The following FAF2 variants were observed in gnomAD, a reference collection of about 807,000 sequenced individuals.
The protein encoded by FAF2 is FAS-associated factor 2.
Under a neutral mutation model 62.3 loss-of-function variants are expected in FAF2, and 9 were observed. The ratio of observed to expected loss-of-function variants is 0.14; its 90% CI spans 0.09 to 0.25. FAF2 has a LOEUF of 0.25. Ranked by LOEUF, FAF2 falls within the 10% of genes least tolerant of loss-of-function variation. The pLI is 1.00. For missense variants in FAF2, 368 were observed against 556.2 expected (o/e 0.66, Z 3.40); for synonymous variants, 202 against 198.0 (o/e 1.02, Z -0.17).
chr5:176,467,072 G>T lies in FAF2; in HGVS notation c.64-12116G>T, dbSNP rs77938192. On this transcript the variant is annotated intron_variant, in intron 1 of 10. Coordinates refer to ENST00000261942, the MANE Select transcript of FAF2 (RefSeq NM_014613.3). ...GGAGGGAAAGGATCACGGAGCAAGG[G>T]ATTTTTCTCAGTAAGACAGACTGGG... 4.5e-3 allele frequency among the ~76,000 whole-genome samples: 682 copies of T among 151,672 alleles called. 7 individuals carry two copies. Among genetic ancestry groups the T allele is most frequent in the African/African-American group, 0.016 (645 of 41,342 alleles).
At chr5:176,473,575 A>C (rs922090470) in intron 1 of FAF2, among the ~76,000 whole-genome samples, 7 of 146,274 alleles carry the variant, frequency 4.8e-5, no homozygotes, top group Non-Finnish European at 1.1e-4. Flanking sequence ...GGAAGGAATG[A>C]AAAGTTATGT....
chr5:176,488,720 A>G (rs1305228142), intron 3 of FAF2, among the ~76,000 whole-genome samples: 1 of 152,078 alleles, frequency 6.6e-6, no homozygotes, highest in Non-Finnish European at 1.5e-5. Flanking sequence ...ACAGCTCTGG[A>G]CCTTAAAGCA....
At chr5:176,498,625 A>G (rs1755539969) in intron 8 of FAF2, among the ~76,000 whole-genome samples, 1 of 152,230 alleles carries the variant, frequency 6.6e-6, no homozygotes, top group Non-Finnish European at 1.5e-5. Context: ...TCCCTTCATA[A>G]TAACAGTACT....
rs1755695218 is a variant in FAF2, at chr5:176,506,997, G to A, written c.*47G>A. ...TCCTACCCCAGTCCCTAAAAGAAAT[G>A]GGGAAAAAAGAAAACAACAGCAAGT... On this transcript the variant is annotated 3_prime_UTR_variant, in exon 11 of 11. Transcript: ENST00000261942. 4.6e-6 allele frequency: 6 copies of A among 1,312,022 alleles called. No homozygotes were observed. The African/African-American group carries it at 4.6e-5, about 10-fold the overall frequency. The allele number at this position is 1,312,022 out of a possible 1,614,324, so 81.3% of individuals were successfully genotyped here.
chr5:176,479,914 T>C (rs545415794), intron 2 of FAF2, among the ~76,000 whole-genome samples: 5 of 152,092 alleles, frequency 3.3e-5, no homozygotes, highest in Non-Finnish European at 7.4e-5. Context: ...AGGCTGGTCT[T>C]GAACTCCTGA....
intron 10 of FAF2, among the ~76,000 whole-genome samples, 158 bp downstream of exon 10, chr5:176,500,304 A>G (rs1054633355): frequency 2.0e-5 from 3 of 152,222 alleles, no homozygotes; most frequent in Non-Finnish European, 4.4e-5. Flanking sequence ...CGTGGACACC[A>G]GGAAGAGTAC....
chr5:176,472,316 T>G (rs1337803971), intron 1 of FAF2, among the ~76,000 whole-genome samples: 1 of 151,942 alleles, frequency 6.6e-6, no homozygotes, highest in African/African-American at 2.4e-5. Flanking sequence ...CCAGCTAATT[T>G]TTGTATTTTT....
At chr5:176,463,457 C>G (rs1299140505) in intron 1 of FAF2, among the ~76,000 whole-genome samples, 3 of 151,628 alleles carry the variant, frequency 2.0e-5, no homozygotes, top group East Asian at 3.9e-4. Context: ...ACTTCAGAAC[C>G]TTTTAAGCTA....
chr5:176,467,167 T>C (rs975423017), intron 1 of FAF2, among the ~76,000 whole-genome samples: 1 of 132,680 alleles, frequency 7.5e-6, no homozygotes, highest in African/African-American at 2.8e-5. Flanking sequence ...CACTTGTCTG[T>C]CCCAGACCAG....
intron 2 of FAF2, among the ~76,000 whole-genome samples, chr5:176,480,084 TTTTTG>T (rs904551637): frequency 4.9e-4 from 74 of 152,314 alleles, no homozygotes; most frequent in African/African-American, 1.7e-3. Context: ...AGCAGAGATT[TTTTTG>T]TTTTGTTTTA....
intron 1 of FAF2, among the ~76,000 whole-genome samples, chr5:176,457,566 T>C (rs183205245): frequency 6.6e-6 from 1 of 152,294 alleles, no homozygotes; most frequent in African/African-American, 2.4e-5. Flanking sequence ...CTAGTTGTCG[T>C]TTCTCCAACA....
chr5:176,499,939 AG>A, intron 9 of FAF2, 63 bp from the exon 10 acceptor site: 1 of 1,574,784 alleles, frequency 6.4e-7, no homozygotes, highest in Non-Finnish European at 8.6e-7. Flanking sequence ...TGCGTAATAA[AG>A]CTACATGGTC....
intron 9 of FAF2, among the ~76,000 whole-genome samples, chr5:176,499,469 T>G (rs1755555034): frequency 1.3e-5 from 2 of 152,142 alleles, no homozygotes; most frequent in Non-Finnish European, 2.9e-5. Context: ...GATTTGGCAT[T>G]TTACTCATTA....
chr5:176,496,631 C>T lies in FAF2; in HGVS notation c.807C>T (p.Asn269=). The T allele has an allele frequency of 6.9e-6, 11 of 1,605,166 alleles. No homozygotes were observed. Among genetic ancestry groups the T allele is most frequent in the Non-Finnish European group, 9.4e-6 (11 of 1,175,890 alleles). The change falls in exon 8 of 11, where the codon AAC becomes AAT. Residue 269 remains asparagine (N), a synonymous_variant. Transcript: ENST00000261942. The part of the protein sequence containing the change: ...INQLTFIMDA[N]QTYLVSERLE... ...AACTGACATTTATCATGGATGCTAA[C>T]CAGACTTACCTGGTGTCAGAACGCC...
chr5:176,502,441 G>C (rs1755610644), intron 10 of FAF2, among the ~76,000 whole-genome samples: 1 of 152,076 alleles, frequency 6.6e-6, no homozygotes, highest in Non-Finnish European at 1.5e-5. Flanking sequence ...TTAGCTGGGT[G>C]TGGTGGCATG....
intron 8 of FAF2, chr5:176,496,884 G>A (rs1022381196): frequency 9.4e-6 from 3 of 319,514 alleles, no homozygotes; most frequent in African/African-American, 2.1e-5. Flanking sequence ...AGGGCTGGGT[G>A]CAGTGGCTAA....
chr5:176,466,420 A>G (rs2113723430), intron 1 of FAF2, among the ~76,000 whole-genome samples: 1 of 152,368 alleles, frequency 6.6e-6, no homozygotes, highest in Non-Finnish European at 1.5e-5. Flanking sequence ...ATTGGAATTT[A>G]GAGAGTACTT....
chr5:176,475,457 A>ATAATCTC (rs1175968398), intron 1 of FAF2, among the ~76,000 whole-genome samples: 2 of 152,152 alleles, frequency 1.3e-5, no homozygotes, highest in Non-Finnish European at 2.9e-5. Flanking sequence ...TGAGGGATTT[A>ATAATCTC]TAATCTCTAT....
chr5:176,465,805 C>T (rs1478889416), intron 1 of FAF2, among the ~76,000 whole-genome samples: 7 of 152,074 alleles, frequency 4.6e-5, no homozygotes, highest in Admixed American at 1.3e-4. Flanking sequence ...TGCAGTGAAC[C>T]GAGATCGTGC....
Sources: allele counts gnomAD v4.1 joint callset (sites outside exome capture counted in the v4.1 genomes callset), GRCh38; gene constraint gnomAD v4.1.1; transcripts MANE v1.5; gene names NCBI Gene and HGNC (gene_info 2026-07-23, HGNC 2026-07-21).